Variants in NTM observed in about 807,000 individuals in gnomAD.
NTM encodes the protein IgLON family member 2.
Under a neutral mutation model 42.1 loss-of-function variants are expected in NTM, and 13 were observed. The observed-to-expected ratio is 0.31, with a 90% CI of 0.20 to 0.49. The LOEUF is 0.49. NTM is among the 20% of genes least tolerant of loss of function. The pLI, the probability that NTM is intolerant of heterozygous loss-of-function variation, is 0.99. For synonymous variants in NTM, 187 were observed against 179.2 expected (o/e 1.04, Z -0.35); for missense variants, 373 against 452.8 (o/e 0.82, Z 1.60).
At chr11:132,223,853 G>A (rs1213042142) in intron 4 of NTM, among the ~76,000 whole-genome samples, 2 of 152,324 alleles carry the variant, frequency 1.3e-5, no homozygotes, top group East Asian at 3.9e-4. Flanking sequence ...CTAAGACAGA[G>A]GGGAAGGCCC....
chr11:132,188,222 CAA>C (rs937025350), intron 3 of NTM, among the ~76,000 whole-genome samples: 1 of 152,156 alleles, frequency 6.6e-6, no homozygotes, highest in Non-Finnish European at 1.5e-5. Context: ...CCCCACACAA[CAA>C]AGAGTCATCC....
intron 7 of NTM, among the ~76,000 whole-genome samples, chr11:132,319,292 A>G (rs1014196880): frequency 8.5e-5 from 13 of 152,138 alleles, no homozygotes; most frequent in Non-Finnish European, 1.8e-4. Flanking sequence ...GGTGCAGCTC[A>G]CCGTGTGCGA....
chr11:131,820,311 C>G (rs1419044519), intron 1 of NTM, among the ~76,000 whole-genome samples: 1 of 152,108 alleles, frequency 6.6e-6, no homozygotes, highest in Admixed American at 6.5e-5. Flanking sequence ...CCAAGTGGTC[C>G]GTGGAGAGCA....
chr11:131,374,105 G>A (rs1448642533), intron 1 of NTM, among the ~76,000 whole-genome samples: 1 of 152,204 alleles, frequency 6.6e-6, no homozygotes, highest in African/African-American at 2.4e-5. Context: ...GGGATGATGG[G>A]ACCCTGGGCC....
intron 2 of NTM, among the ~76,000 whole-genome samples, chr11:131,922,901 C>T (rs1048300273): frequency 9.9e-5 from 15 of 152,206 alleles, no homozygotes; most frequent in Non-Finnish European, 2.2e-4. Flanking sequence ...TCGCTGCTGC[C>T]TCGCTCGTGG....
intron 1 of NTM, among the ~76,000 whole-genome samples, chr11:131,650,060 C>T (rs1217411537): frequency 6.6e-6 from 1 of 152,210 alleles, no homozygotes; most frequent in Non-Finnish European, 1.5e-5. Flanking sequence ...TTCTCACTGC[C>T]TCTGGTTTCT....
chr11:132,207,357 A>G (rs2082145497), intron 3 of NTM, among the ~76,000 whole-genome samples: 1 of 152,108 alleles, frequency 6.6e-6, no homozygotes, highest in Admixed American at 6.5e-5. Context: ...TCCTTGTGAA[A>G]ATCTAATGCC....
chr11:131,532,481 G>T (rs1404607053), intron 1 of NTM, among the ~76,000 whole-genome samples: 1 of 152,154 alleles, frequency 6.6e-6, no homozygotes, highest in Non-Finnish European at 1.5e-5. Flanking sequence ...ATAGACACTG[G>T]GTTGTTTCCA....
At chr11:132,149,670 C>G (rs760596831) in intron 3 of NTM, among the ~76,000 whole-genome samples, 1 of 152,086 alleles carries the variant, frequency 6.6e-6, no homozygotes, top group Non-Finnish European at 1.5e-5. Flanking sequence ...ATGGTTATTT[C>G]TTGCAGACAG....
In NTM at chr11:131,985,151, T is replaced by A. The variant is rs564680665; in HGVS notation, c.167+73503T>A. ...GATCATCGGTGTAAACAAAGAGGAG[T>A]AATCAATCCCAGAAACGCTTTGGCT... On this transcript the variant is annotated intron_variant, in intron 2 of 8. Coordinates refer to ENST00000683400, the MANE Select transcript of NTM (RefSeq NM_001352005.2). Among the ~76,000 whole-genome samples the A allele has an allele frequency of 3.7e-4, 56 of 152,178 alleles. No homozygotes were observed. The Middle Eastern group carries it at 0.01, about 28-fold the overall frequency.
At chr11:131,885,991 CT>C (rs1565678793) in intron 1 of NTM, among the ~76,000 whole-genome samples, 1 of 152,126 alleles carries the variant, frequency 6.6e-6, no homozygotes, top group Non-Finnish European at 1.5e-5. Context: ...GGATTAATAC[CT>C]GGAAGATTAA....
At chr11:131,412,343 G>T (rs71483664) in intron 1 of NTM, among the ~76,000 whole-genome samples, 3,101 of 152,232 alleles carry the variant, frequency 0.02, 47 homozygotes, top group Non-Finnish European at 0.029. Flanking sequence ...GGGCATTTCA[G>T]TTCCATGGAA....
chr11:131,923,180 G>T (rs1319973947), intron 2 of NTM, among the ~76,000 whole-genome samples: 1 of 152,088 alleles, frequency 6.6e-6, no homozygotes, highest in Non-Finnish European at 1.5e-5. Context: ...AGAGAAGTCT[G>T]TTATTTATGT....
In NTM at chr11:131,811,547, C is replaced by T. The variant is rs561614560; in HGVS notation, c.83-100017C>T. 7.7e-4 allele frequency among the ~76,000 whole-genome samples: 118 copies of T among 152,262 alleles called. 1 individual carries two copies. Among genetic ancestry groups the T allele is most frequent in the African/African-American group, 2.5e-3 (105 of 41,544 alleles). On this transcript the variant is annotated intron_variant, in intron 1 of 8. Coordinates refer to ENST00000683400, the MANE Select transcript of NTM (RefSeq NM_001352005.2). ...AGCTACCCCAAGCAGGTTTAATCAC[C>T]GCATGCAGGGAGGGCTGCAGAGCAA...
intron 2 of NTM, among the ~76,000 whole-genome samples, chr11:132,006,561 T>C (rs1372907658): frequency 6.6e-6 from 1 of 152,184 alleles, no homozygotes; most frequent in Non-Finnish European, 1.5e-5. Flanking sequence ...AAAACCTCAT[T>C]CTCAGACTTA....
chr11:131,605,773 G>T (rs998124299), intron 1 of NTM: 1 of 983,536 alleles, frequency 1.0e-6, no homozygotes, highest in Non-Finnish European at 1.2e-6. Context: ...AAATAAAGGT[G>T]CCCTATTCAA....
chr11:131,572,111 G>A (rs1290926826), intron 1 of NTM, among the ~76,000 whole-genome samples: 3 of 152,126 alleles, frequency 2.0e-5, no homozygotes, highest in East Asian at 3.9e-4. Flanking sequence ...TTGGCTGGTG[G>A]GTCAGTGTGT....
chr11:132,202,615 C>T lies in NTM; in HGVS notation c.401-9407C>T, dbSNP rs968295457. On this transcript the variant is annotated intron_variant, in intron 3 of 8. Transcript: ENST00000683400. ...TAGATGTGACCCACATAATAGGGCACTTATGATTACAGGTAGTTGCTGTGA... is the reference window on the plus strand; with the variant it reads ...TAGATGTGACCCACATAATAGGGCATTTATGATTACAGGTAGTTGCTGTGA... 4.6e-5 allele frequency among the ~76,000 whole-genome samples: 7 copies of T among 152,258 alleles called. No homozygotes were observed. The East Asian group carries it at 1.4e-3, about 29-fold the overall frequency.
At chr11:132,153,028 T>C (rs902761909) in intron 3 of NTM, among the ~76,000 whole-genome samples, 2 of 152,200 alleles carry the variant, frequency 1.3e-5, no homozygotes, top group Non-Finnish European at 2.9e-5. Flanking sequence ...ATGACCCTTA[T>C]GGCTTTACAG....
Sources: gnomAD v4.1 joint callset for allele counts (sites outside exome capture counted in the v4.1 genomes callset) on GRCh38, gnomAD v4.1.1 for gene constraint, MANE v1.5 for transcripts, NCBI Gene and HGNC (gene_info 2026-07-23, HGNC 2026-07-21) for gene names.